SGCZ: variants seen among roughly 807,000 people sequenced by gnomAD.
SGCZ encodes sarcoglycan zeta.
SGCZ carries 40 observed loss-of-function variants against 41.3 expected under a neutral mutation model. The ratio of observed to expected loss-of-function variants is 0.97; its 90% confidence interval spans 0.75 to 1.26. The LOEUF (loss-of-function observed/expected upper bound fraction) is 1.26, where lower values mean the gene tolerates loss of function less well. Ranked by LOEUF, SGCZ falls within the 50% of genes most tolerant of loss-of-function variation. The pLI is 0.00. For synonymous variants in SGCZ, 206 were observed against 137.5 expected (o/e 1.50, Z -3.49); for missense variants, 552 against 369.8 (o/e 1.49, Z -4.04).
At chr8:15,209,015 T>C (rs1394307933) in intron 1 of SGCZ, among the ~76,000 whole-genome samples, 1 of 151,988 alleles carries the variant, frequency 6.6e-6, no homozygotes, top group African/African-American at 2.4e-5. Context: ...AGTGGTGTGG[T>C]AGAGGTCAAA....
At chr8:15,202,372 C>T (rs971168689) in intron 1 of SGCZ, among the ~76,000 whole-genome samples, 1 of 152,088 alleles carries the variant, frequency 6.6e-6, no homozygotes, top group Non-Finnish European at 1.5e-5. Context: ...ATTGAGAGAC[C>T]ATTATTTTAA....
chr8:14,310,933 T>C (rs1272599565), intron 3 of SGCZ, among the ~76,000 whole-genome samples: 2 of 152,094 alleles, frequency 1.3e-5, no homozygotes. Context: ...AAAATATCCA[T>C]GTCTGTGTAC....
chr8:14,573,548 A>C (rs1392345877), intron 1 of SGCZ, among the ~76,000 whole-genome samples: 1 of 152,112 alleles, frequency 6.6e-6, no homozygotes, highest in Non-Finnish European at 1.5e-5. Flanking sequence ...CTCCTCAACG[A>C]AAGAGCTATT....
intron 1 of SGCZ, among the ~76,000 whole-genome samples, chr8:14,847,110 A>AAG (rs1408673963): frequency 3.0e-4 from 42 of 142,338 alleles, no homozygotes; most frequent in African/African-American, 1.0e-3. Context: ...AAGAAAGAAG[A>AAG]AAGAAGAAGA....
chr8:14,876,680 A>T (rs1424304310), intron 1 of SGCZ, among the ~76,000 whole-genome samples: 1 of 152,240 alleles, frequency 6.6e-6, no homozygotes, highest in Non-Finnish European at 1.5e-5. Flanking sequence ...CAATAAAGTT[A>T]TTGACACAAA....
chr8:14,509,203 C>T (rs1181701039), intron 2 of SGCZ, among the ~76,000 whole-genome samples: 2 of 152,028 alleles, frequency 1.3e-5, no homozygotes, highest in East Asian at 1.9e-4. Context: ...AAACTTAATA[C>T]CATTATTAGG....
rs73521029 is a variant in SGCZ, at chr8:15,011,027, C to T, written c.39+226558G>A. 2.6e-3 allele frequency among the ~76,000 whole-genome samples: 393 copies of T among 151,900 alleles called. 3 individuals are homozygous for T. The highest frequency in any genetic ancestry group is 8.7e-3 in the African/African-American group (357 of 41,248). On this transcript the variant is annotated intron_variant, in intron 1 of 7. Transcript: ENST00000382080. ...ATTAATGAAGCTGAAAATAATTAAA[C>T]GAAGATTATCAGTTTTTGCAATTTT...
intron 2 of SGCZ, among the ~76,000 whole-genome samples, chr8:14,535,326 T>G (rs1803260171): frequency 1.3e-5 from 2 of 151,476 alleles, no homozygotes; most frequent in South Asian, 4.1e-4. Context: ...AAAAAAAAAG[T>G]CTGCTTGCTT....
intron 1 of SGCZ, among the ~76,000 whole-genome samples, chr8:15,012,698 A>C (rs918139785): frequency 2.8e-5 from 4 of 140,698 alleles, no homozygotes; most frequent in African/African-American, 1.0e-4. Context: ...AAATATAAAT[A>C]TTTTATATAA....
rs553974824 is a variant in SGCZ, at chr8:15,229,102, G to A, written c.39+8483C>T. ...AGCTATTCAGGAGGCTGAGGTGGGA[G>A]AATCGCTTGAACCCAGGAGGCAGAG... On this transcript the variant is annotated intron_variant, in intron 1 of 7. Coordinates refer to ENST00000382080, the MANE Select transcript of SGCZ (RefSeq NM_139167.4). Among the ~76,000 whole-genome samples the A allele has an allele frequency of 3.0e-3, 452 of 152,250 alleles. 1 individual carries two copies. The highest frequency in any genetic ancestry group is 0.011 in the African/African-American group (439 of 41,536).
intron 2 of SGCZ, among the ~76,000 whole-genome samples, chr8:14,404,890 G>C (rs779252457): frequency 2.0e-5 from 3 of 152,170 alleles, no homozygotes; most frequent in Admixed American, 6.6e-5. Flanking sequence ...AGGAGTGGGA[G>C]AGTCGATCTA....
chr8:14,481,849 T>C (rs982665445), intron 2 of SGCZ, among the ~76,000 whole-genome samples: 3 of 152,166 alleles, frequency 2.0e-5, no homozygotes, highest in African/African-American at 7.2e-5. Context: ...AGACAAACTA[T>C]ATGAAACAAT....
intron 3 of SGCZ, among the ~76,000 whole-genome samples, chr8:14,303,634 A>C (rs17119030): frequency 0.27 from 40,348 of 152,014 alleles, 5,830 homozygotes; most frequent in South Asian, 0.46. Context: ...GCAAAGCCTA[A>C]TTCTTCAATG....
At chr8:14,576,023 G>C (rs766621567) in intron 1 of SGCZ, among the ~76,000 whole-genome samples, 6 of 150,948 alleles carry the variant, frequency 4.0e-5, no homozygotes, top group Non-Finnish European at 8.8e-5. Flanking sequence ...GAGAAAACAA[G>C]CAATACTGTA....
At chr8:14,938,383 C>T (rs1800154450) in intron 1 of SGCZ, among the ~76,000 whole-genome samples, 1 of 152,112 alleles carries the variant, frequency 6.6e-6, no homozygotes, top group South Asian at 2.1e-4. Flanking sequence ...CCTCCTCTTC[C>T]TCCTCCTGCT....
intron 1 of SGCZ, among the ~76,000 whole-genome samples, chr8:14,933,394 A>T (rs7007211): frequency 0.043 from 6,492 of 150,474 alleles, 530 homozygotes; most frequent in African/African-American, 0.15. Flanking sequence ...GTATTTCAGC[A>T]CCATTGAAGG....
intron 1 of SGCZ, among the ~76,000 whole-genome samples, chr8:14,884,136 A>G (rs929973788): frequency 6.6e-6 from 1 of 152,124 alleles, no homozygotes; most frequent in African/African-American, 2.4e-5. Flanking sequence ...GATAATTTGA[A>G]GCATCAGATT....
At chr8:15,024,406 G>T (rs1394326013) in intron 1 of SGCZ, among the ~76,000 whole-genome samples, 1 of 152,110 alleles carries the variant, frequency 6.6e-6, no homozygotes, top group South Asian at 2.1e-4. Context: ...TGAGAGTTGT[G>T]CCTGGCATTT....
At chr8:14,494,349 T>G (rs955743810) in intron 2 of SGCZ, among the ~76,000 whole-genome samples, 1 of 152,204 alleles carries the variant, frequency 6.6e-6, no homozygotes, top group African/African-American at 2.4e-5. Flanking sequence ...GCCCGGCTAC[T>G]GTTTTCATGA....
Sources: allele counts gnomAD v4.1 joint callset (sites outside exome capture counted in the v4.1 genomes callset), GRCh38; gene constraint gnomAD v4.1.1; transcripts MANE v1.5; gene names NCBI Gene and HGNC (gene_info 2026-07-23, HGNC 2026-07-21).